SFMBT1: variants seen among roughly 807,000 people sequenced by gnomAD.
The protein encoded by SFMBT1 is Scm like with four mbt domains 1, also known as scm-like with four MBT domains protein 1.
SFMBT1 carries 32 observed loss-of-function variants against 108.7 expected under a neutral mutation model. The observed-to-expected ratio is 0.29, with a 90% CI of 0.22 to 0.40. The LOEUF is 0.40. Among genes scored for constraint, SFMBT1 ranks in the 10% least tolerant of loss-of-function variants. The pLI, the probability that SFMBT1 is intolerant of heterozygous loss-of-function variation, is 1.00. For missense variants in SFMBT1, 816 were observed against 1,059.6 expected, an observed-to-expected ratio of 0.77 and a Z score of 3.19; for synonymous variants, 348 against 369.5, an observed-to-expected ratio of 0.94 and a Z score of 0.67.
chr3:52,960,059 A>G (rs1328118680), intron 2 of SFMBT1, among the ~76,000 whole-genome samples: 1 of 151,944 alleles, frequency 6.6e-6, no homozygotes, highest in Non-Finnish European at 1.5e-5. Flanking sequence ...TAGATAAGTT[A>G]TGGCAACCCT....
rs1702532133 is a variant in SFMBT1 at position 52,921,950 on chromosome 3, T to C, written c.1132-119A>G. The C allele has an allele frequency of 5.9e-6, 6 of 1,010,386 alleles. No individual in the cohort carries two copies. The Admixed American group carries it at 1.1e-4, about 19-fold the overall frequency. The allele number at this position is 1,010,386 out of a possible 1,614,324, so 62.6% of individuals were successfully genotyped here. A position where few individuals can be genotyped will look rare whatever the true frequency, so the allele number is the denominator to read the frequency against. ...CCTAGGTTTAAAGATAACATTTATT[T>C]TGCATTGTTTTGCTTTTTAATGAAG... is the stretch of plus-strand genomic sequence containing the variant. On this transcript the variant is annotated intron_variant, in intron 10 of 20. Transcript: ENST00000394752.
intron 1 of SFMBT1, among the ~76,000 whole-genome samples, chr3:53,003,182 TTC>T (rs1182049486): frequency 6.7e-6 from 1 of 148,908 alleles, no homozygotes; most frequent in African/African-American, 2.4e-5. Flanking sequence ...AACAGGGTTA[TTC>T]TTTTTATATT....
At chr3:52,930,451 G>T (rs780201350) in intron 7 of SFMBT1, 21 bp from the exon 8 acceptor site, 55 of 1,377,652 alleles carry the variant, frequency 4.0e-5, no homozygotes, top group Non-Finnish European at 5.6e-5. Context: ...GACACCAAAA[G>T]GGGATGAAAA....
At chr3:52,960,722 T>C (rs996212246) in intron 2 of SFMBT1, among the ~76,000 whole-genome samples, 2 of 152,352 alleles carry the variant, frequency 1.3e-5, no homozygotes, top group African/African-American at 2.4e-5. Flanking sequence ...CAAATGTTCA[T>C]AGCAGCAATA....
At chr3:53,025,612 C>G (rs904439311) in intron 1 of SFMBT1, among the ~76,000 whole-genome samples, 5 of 151,368 alleles carry the variant, frequency 3.3e-5, no homozygotes, top group Admixed American at 6.6e-5. Context: ...TGAACCCCGT[C>G]TTAAAAAAAG....
intron 5 of SFMBT1, among the ~76,000 whole-genome samples, 186 bp from the exon 6 acceptor site, chr3:52,932,494 A>G (rs1003401651): frequency 6.6e-6 from 1 of 152,248 alleles, no homozygotes; most frequent in African/African-American, 2.4e-5. Context: ...GAAAATGTTT[A>G]TCTTAAAGAA....
At position 52,934,819 on chromosome 3, in the gene SFMBT1, T is replaced by C; in HGVS notation, c.447A>G (p.Leu149=). The C allele has an allele frequency of 1.2e-6, 2 of 1,613,042 alleles. No homozygotes were observed. The highest frequency in any genetic ancestry group is 8.5e-7 in the Non-Finnish European group (1 of 1,179,468). ...IGACSPPVPL[L]EGLRNGRNPL... is the part of the protein sequence containing the mutation. ...GGCATGTAGTAATACTCACGCCCTC[T>C]AGCAGCGGAACAGGAGGACTACATG... is the stretch of plus-strand genomic sequence containing the variant. The change falls in exon 5 of 21, where the codon CTA becomes CTG. Residue 149 remains leucine (L), a synonymous_variant. Transcript: ENST00000394752.
chr3:53,016,324 T>C (rs947620090), intron 1 of SFMBT1, among the ~76,000 whole-genome samples: 2 of 152,102 alleles, frequency 1.3e-5, no homozygotes, highest in African/African-American at 2.4e-5. Context: ...CCTCCAGAGA[T>C]TGCCTCAAGC....
intron 1 of SFMBT1, among the ~76,000 whole-genome samples, chr3:53,031,791 T>C (rs1389774210): frequency 6.6e-6 from 1 of 152,152 alleles, no homozygotes; most frequent in Non-Finnish European, 1.5e-5. Flanking sequence ...AATAATGCAT[T>C]GGTGTATAGT....
Position 52,911,043 on chromosome 3 carries a change from C to G in SFMBT1, c.1866G>C (p.Lys622Asn). The G allele has an allele frequency of 3.1e-6, 5 of 1,614,212 alleles. No individual in the cohort carries two copies. Among genetic ancestry groups the G allele is most frequent in the Non-Finnish European group, 4.2e-6 (5 of 1,180,032 alleles). The change falls in exon 17 of 21, where the codon AAG becomes AAC. Residue 622 changes from lysine to asparagine, a missense_variant. Physicochemically the swap from Lys to Asn is moderately conservative, Grantham distance 94. This residue lies in a region of SFMBT1 where 79 missense variants were observed against 120.8 expected (regional missense o/e 0.65). Coordinates refer to ENST00000394752, the MANE Select transcript of SFMBT1 (RefSeq NM_016329.4). The part of the protein sequence containing the change: ...NLFGPRMVLD[K>N]CSENCSVLTK... ...TAAGTACAGAACAGTTCTCAGAACACTTATCCAGAACCATCCGTGGACCGA... is the reference window on the plus strand; with the variant it reads ...TAAGTACAGAACAGTTCTCAGAACAGTTATCCAGAACCATCCGTGGACCGA...
intron 3 of SFMBT1, among the ~76,000 whole-genome samples, chr3:52,946,684 T>C (rs929689012): frequency 1.3e-5 from 2 of 152,200 alleles, no homozygotes; most frequent in Non-Finnish European, 2.9e-5. Context: ...CATACATGAA[T>C]TTCTAAAATA....
intron 1 of SFMBT1, among the ~76,000 whole-genome samples, chr3:53,037,693 G>T (rs1289964844): frequency 6.6e-6 from 1 of 152,184 alleles, no homozygotes; most frequent in African/African-American, 2.4e-5. Context: ...TGAAAACCAG[G>T]CTGGGCATAG....
intron 1 of SFMBT1, among the ~76,000 whole-genome samples, chr3:52,980,262 T>G (rs1704664278): frequency 6.6e-6 from 1 of 152,214 alleles, no homozygotes; most frequent in Admixed American, 6.5e-5. Flanking sequence ...ATTGCATCAT[T>G]TGCAATATGA....
intron 1 of SFMBT1, among the ~76,000 whole-genome samples, chr3:53,018,452 T>C (rs1298303185): frequency 1.3e-5 from 2 of 151,896 alleles, no homozygotes; most frequent in African/African-American, 2.4e-5. Context: ...ACCTAGAACC[T>C]TCAGTTAGAC....
intron 2 of SFMBT1, among the ~76,000 whole-genome samples, chr3:52,967,471 G>A (rs1044225215): frequency 3.0e-4 from 45 of 152,256 alleles, no homozygotes; most frequent in African/African-American, 1.0e-3. Flanking sequence ...TCTGGAATTA[G>A]ATAGCAGTGA....
intron 3 of SFMBT1, among the ~76,000 whole-genome samples, chr3:52,950,964 A>AT (rs920831471): frequency 2.0e-5 from 3 of 151,256 alleles, no homozygotes; most frequent in African/African-American, 7.3e-5. Flanking sequence ...ATATATATAT[A>AT]TTTTTTTAAG....
chr3:52,942,982 T>C (rs1703235624), intron 4 of SFMBT1, among the ~76,000 whole-genome samples: 2 of 152,172 alleles, frequency 1.3e-5, no homozygotes, highest in Admixed American at 1.3e-4. Flanking sequence ...ACCAGATTGC[T>C]TGAGGGTATG....
intron 1 of SFMBT1, among the ~76,000 whole-genome samples, chr3:53,004,800 C>A (rs1278172889): frequency 1.5e-5 from 2 of 134,078 alleles, no homozygotes; most frequent in African/African-American, 5.0e-5. Flanking sequence ...CCAGCCAACA[C>A]ACACATGTGC....
At chr3:53,022,237 C>T (rs779082498) in intron 1 of SFMBT1, among the ~76,000 whole-genome samples, 1 of 152,048 alleles carries the variant, frequency 6.6e-6, no homozygotes, top group Non-Finnish European at 1.5e-5. Flanking sequence ...ATCACTTGAG[C>T]CCAGGAGTTG....
Sources: allele counts gnomAD v4.1 joint callset (sites outside exome capture counted in the v4.1 genomes callset), GRCh38; gene constraint gnomAD v4.1.1; regional missense constraint gnomAD v4.1.1; transcripts MANE v1.5; gene names NCBI Gene and HGNC (gene_info 2026-07-23, HGNC 2026-07-21).